The following EPHB1 variants were observed in gnomAD, a reference collection of about 807,000 sequenced individuals.
EPHB1 encodes ephrin type-B receptor 1.
In EPHB1, 30 loss-of-function variants were observed where a neutral mutation model predicts 94.4. The observed-to-expected ratio is 0.32, with a 90% confidence interval of 0.24 to 0.43. EPHB1 has a LOEUF of 0.43. EPHB1 is among the 20% of genes least tolerant of loss of function. The pLI is 1.00. For missense variants in EPHB1, 1,055 were observed against 1,308.3 expected (o/e 0.81, Z 2.99); for synonymous variants, 522 against 489.1 (o/e 1.07, Z -0.89).
intron 4 of EPHB1, among the ~76,000 whole-genome samples, chr3:135,129,392 C>T (rs1940337294): frequency 6.6e-6 from 1 of 152,254 alleles, no homozygotes; most frequent in East Asian, 1.9e-4. Flanking sequence ...GCCTCTGCCA[C>T]TCAGAGTAAC....
chr3:135,243,710 T>G (rs965421265), intron 13 of EPHB1, among the ~76,000 whole-genome samples: 3 of 152,004 alleles, frequency 2.0e-5, no homozygotes, highest in African/African-American at 7.3e-5. Flanking sequence ...ATTGAAAGGT[T>G]TTAAGGAAGA....
chr3:135,178,688 G>A (rs1201419577), intron 9 of EPHB1, among the ~76,000 whole-genome samples: 1 of 152,042 alleles, frequency 6.6e-6, no homozygotes, highest in Non-Finnish European at 1.5e-5. Context: ...AACATGAAGA[G>A]GGGGGAGGTG....
chr3:135,182,753 G>A (rs1009401765), intron 10 of EPHB1, among the ~76,000 whole-genome samples: 32 of 152,192 alleles, frequency 2.1e-4, no homozygotes, highest in African/African-American at 7.7e-4. Flanking sequence ...GATTTAAGAA[G>A]GATAATGAAC....
At chr3:135,018,420 C>G (rs933637342) in intron 3 of EPHB1, among the ~76,000 whole-genome samples, 4 of 152,086 alleles carry the variant, frequency 2.6e-5, no homozygotes. Flanking sequence ...TCTGTAATGG[C>G]CTTTCTCCAA....
intron 1 of EPHB1, among the ~76,000 whole-genome samples, chr3:134,797,266 C>T (rs1346626299): frequency 6.6e-6 from 1 of 152,142 alleles, no homozygotes; most frequent in South Asian, 2.1e-4. Flanking sequence ...TGTGGAGTGC[C>T]GTCAACACCC....
At chr3:135,046,141 T>C (rs1239849331) in intron 3 of EPHB1, among the ~76,000 whole-genome samples, 5 of 152,250 alleles carry the variant, frequency 3.3e-5, no homozygotes, top group African/African-American at 1.2e-4. Context: ...AAAATAGTTA[T>C]TTTTCATAAA....
intron 6 of EPHB1, among the ~76,000 whole-genome samples, chr3:135,161,262 G>A (rs1212375434): frequency 6.6e-6 from 1 of 152,240 alleles, no homozygotes; most frequent in Non-Finnish European, 1.5e-5. Context: ...AGCACAGAAA[G>A]TGCTGGAGAG....
chr3:135,228,272 C>A (rs1267131153), intron 12 of EPHB1, among the ~76,000 whole-genome samples: 1 of 152,072 alleles, frequency 6.6e-6, no homozygotes, highest in African/African-American at 2.4e-5. Context: ...GTAATAGACT[C>A]TTCCTCATTT....
chr3:134,862,344 G>T (rs1405579455), intron 1 of EPHB1, among the ~76,000 whole-genome samples: 1 of 152,016 alleles, frequency 6.6e-6, no homozygotes, highest in Non-Finnish European at 1.5e-5. Context: ...CTCCATGGGT[G>T]CATGGGTGTC....
At chr3:134,839,026 T>A (rs2036729624) in intron 1 of EPHB1, among the ~76,000 whole-genome samples, 1 of 152,206 alleles carries the variant, frequency 6.6e-6, no homozygotes, top group Non-Finnish European at 1.5e-5. Flanking sequence ...GAACAAATAT[T>A]TGTACACGAC....
intron 3 of EPHB1, among the ~76,000 whole-genome samples, chr3:134,967,457 G>A (rs996510052): frequency 5.9e-5 from 9 of 152,178 alleles, no homozygotes; most frequent in African/African-American, 2.2e-4. Context: ...ACTCATGAAT[G>A]AATTAATCCA....
At position 135,192,737 on chromosome 3, in the gene EPHB1, C is replaced by T. The variant is rs959853730; in HGVS notation, c.2044C>T (p.Arg682Cys). 1.1e-5 allele frequency: 17 copies of T among 1,614,006 alleles called. No homozygotes were observed. Among genetic ancestry groups the T allele is most frequent in the East Asian group, 2.2e-5 (1 of 44,878 alleles). The part of the protein sequence containing the change: ...MGQFDHPNII[R>C]LEGVVTKSRP... Reference sequence around the variant, plus strand: ...CCAGTTCGACCATCCTAACATCATTCGCCTGGAGGGTGTGGTCACCAAGAG... The same window carrying T: ...CCAGTTCGACCATCCTAACATCATTTGCCTGGAGGGTGTGGTCACCAAGAG... The change falls in exon 11 of 16, where the codon CGC becomes TGC. Residue 682 changes from arginine to cysteine, a missense_variant. Physicochemically the swap from Arg to Cys is radical, Grantham distance 180. Transcript: ENST00000398015.
Position 134,804,071 on chromosome 3 carries a change from A to ATTTTTT in EPHB1, c.58+8412_58+8417dup, listed in dbSNP as rs572201781. Reference sequence around the variant, plus strand: ...ACCCCCACTGTGGTCATTATTGGCTATTTTTTTTTTTTTTTTTTTTTTTTT... The same window carrying ATTTTTT: ...ACCCCCACTGTGGTCATTATTGGCTATTTTTTTTTTTTTTTTTTTTTTTTTTTTTTT... On this transcript the variant is annotated intron_variant, in intron 1 of 15. Transcript: ENST00000398015. 1.4e-4 allele frequency among the ~76,000 whole-genome samples: 6 copies of ATTTTTT among 43,748 alleles called. 1 individual carries two copies. Among genetic ancestry groups the ATTTTTT allele is most frequent in the African/African-American group, 4.8e-4 (5 of 10,486 alleles). 28.7% of individuals were successfully genotyped at this position (43,748 alleles called of 152,430 possible). A position where few individuals can be genotyped will look rare whatever the true frequency, so the allele number is the denominator to read the frequency against.
At chr3:134,975,240 G>A (rs1934138566) in intron 3 of EPHB1, among the ~76,000 whole-genome samples, 1 of 152,164 alleles carries the variant, frequency 6.6e-6, no homozygotes, top group African/African-American at 2.4e-5. Flanking sequence ...TCAGGGACCT[G>A]AGATGCCATA....
intron 3 of EPHB1, among the ~76,000 whole-genome samples, chr3:135,031,609 T>A (rs575894256): frequency 1.4e-3 from 215 of 152,364 alleles, no homozygotes; most frequent in Non-Finnish European, 2.4e-3. Flanking sequence ...TGCATCCAGC[T>A]GCAACTATTT....
At chr3:135,232,751 TA>T (rs1198714180) in intron 12 of EPHB1, among the ~76,000 whole-genome samples, 2 of 152,222 alleles carry the variant, frequency 1.3e-5, no homozygotes, top group East Asian at 3.8e-4. Context: ...GAAAGAGGTT[TA>T]ATTGACTCAC....
At chr3:134,952,793 C>T (rs1462463244) in intron 3 of EPHB1, among the ~76,000 whole-genome samples, 1 of 152,186 alleles carries the variant, frequency 6.6e-6, no homozygotes, top group East Asian at 1.9e-4. Flanking sequence ...CCCTAGAAAG[C>T]CCATATTCAA....
intron 1 of EPHB1, among the ~76,000 whole-genome samples, chr3:134,912,408 G>T (rs539234304): frequency 6.6e-6 from 1 of 152,316 alleles, no homozygotes; most frequent in African/African-American, 2.4e-5. Context: ...AATGCAAATA[G>T]GTGTAGCACT....
At position 135,054,462 on chromosome 3, in the gene EPHB1, C is replaced by T. The variant is rs546579243; in HGVS notation, c.806-51986C>T. On this transcript the variant is annotated intron_variant, in intron 3 of 15. Transcript: ENST00000398015. ...CTCTGAGTAAATGCTTAGAAAGGGGCGCTGTATGCTGAACGTCTCACTTCA... is the reference window on the plus strand; with the variant it reads ...CTCTGAGTAAATGCTTAGAAAGGGGTGCTGTATGCTGAACGTCTCACTTCA... Among the ~76,000 whole-genome samples the T allele has an allele frequency of 4.6e-5, 7 of 152,224 alleles. No individual in the cohort carries two copies. In the East Asian group the frequency reaches 5.8e-4, roughly 13 times the overall value.
Sources: allele counts gnomAD v4.1 joint callset (sites outside exome capture counted in the v4.1 genomes callset), GRCh38; gene constraint gnomAD v4.1.1; transcripts MANE v1.5; gene names NCBI Gene and HGNC (gene_info 2026-07-23, HGNC 2026-07-21).